SH3RF1: variants seen among roughly 807,000 people sequenced by gnomAD.
SH3RF1 encodes the protein SH3 domain containing ring finger 1.
SH3RF1 carries 32 observed loss-of-function variants against 74.0 expected under a neutral mutation model. The observed-to-expected ratio is 0.43, with a 90% CI of 0.33 to 0.58. The LOEUF is 0.58. Ranked by LOEUF, SH3RF1 falls within the 20% of genes least tolerant of loss-of-function variation. SH3RF1 has a pLI of 0.05. For missense variants in SH3RF1, 954 were observed against 1,130.9 expected, an observed-to-expected ratio of 0.84 and a Z score of 2.24; for synonymous variants, 396 against 439.6, an observed-to-expected ratio of 0.90 and a Z score of 1.24.
intron 2 of SH3RF1, among the ~76,000 whole-genome samples, chr4:169,214,928 C>T (rs1039899942): frequency 1.3e-5 from 2 of 152,050 alleles, no homozygotes; most frequent in Non-Finnish European, 2.9e-5. Context: ...TTTATTTCTT[C>T]CTTCCCAATC....
At chr4:169,181,365 C>T (rs1056451778) in intron 2 of SH3RF1, among the ~76,000 whole-genome samples, 1 of 149,334 alleles carries the variant, frequency 6.7e-6, no homozygotes, top group Non-Finnish European at 1.5e-5. Context: ...CAGGTTCAAG[C>T]GATTCTCCTG....
intron 2 of SH3RF1, among the ~76,000 whole-genome samples, chr4:169,241,099 G>A (rs1228681692): frequency 2.0e-5 from 3 of 152,124 alleles, no homozygotes; most frequent in East Asian, 1.9e-4. Context: ...GCGTGGTGGC[G>A]GGCGCCTGTA....
At chr4:169,127,987 A>G (rs550478252) in intron 6 of SH3RF1, among the ~76,000 whole-genome samples, 1 of 152,212 alleles carries the variant, frequency 6.6e-6, no homozygotes, top group Non-Finnish European at 1.5e-5. Context: ...AAATGCTCCA[A>G]TGAGCACTTC....
intron 11 of SH3RF1, 118 bp downstream of exon 11, chr4:169,106,729 G>A: frequency 7.3e-6 from 6 of 823,706 alleles, no homozygotes; most frequent in Non-Finnish European, 1.1e-5. Context: ...ATTTTCATAA[G>A]CTCAGTTTCA....
chr4:169,172,537 A>C (rs1734348130), intron 2 of SH3RF1, among the ~76,000 whole-genome samples: 1 of 152,230 alleles, frequency 6.6e-6, no homozygotes, highest in South Asian at 2.1e-4. Context: ...GTATTATGTT[A>C]GGTGTAATTA....
intron 9 of SH3RF1, 119 bp from the exon 10 acceptor site, chr4:169,116,749 C>T: frequency 7.5e-7 from 1 of 1,328,608 alleles, no homozygotes; most frequent in Non-Finnish European, 1.0e-6. Context: ...GTATTTATTA[C>T]AATAAAGATG....
At chr4:169,209,261 C>T (rs1730317960) in intron 2 of SH3RF1, among the ~76,000 whole-genome samples, 1 of 151,330 alleles carries the variant, frequency 6.6e-6, no homozygotes, top group Non-Finnish European at 1.5e-5. Flanking sequence ...TGCACTCCAG[C>T]CTGAGTGACA....
chr4:169,254,178 A>G (rs2110749702), intron 2 of SH3RF1, among the ~76,000 whole-genome samples: 2 of 152,326 alleles, frequency 1.3e-5, no homozygotes, highest in Admixed American at 1.3e-4. Context: ...GTTCCGATGG[A>G]CCTTGGAATT....
chr4:169,205,279 G>T (rs1730235681), intron 2 of SH3RF1, among the ~76,000 whole-genome samples: 2 of 152,024 alleles, frequency 1.3e-5, no homozygotes, highest in African/African-American at 4.8e-5. Context: ...TGTGTGTTAG[G>T]GTATCAGAGG....
chr4:169,146,494 C>T (rs1733897451), intron 4 of SH3RF1, among the ~76,000 whole-genome samples: 1 of 151,944 alleles, frequency 6.6e-6, no homozygotes, highest in African/African-American at 2.4e-5. Flanking sequence ...TCCCAAAGTG[C>T]TGGGATTACA....
In SH3RF1 at chr4:169,116,627, G is replaced by A. The variant is rs930553580; in HGVS notation, c.1781C>T (p.Ala594Val). ...CGTGGGGCGTTCCTGGTTGTGCGCT[G>A]CAACTAGTAGATGGGAAGAGGGAAC... ...NQARNAVRTV[A>V]AHNQERPTAA... Residue 594 changes from alanine (A) to valine (V), a missense_variant, in exon 10 of 12, where the codon GCA becomes GTA. Ala to Val is a moderately conservative substitution (Grantham distance 64). Coordinates refer to ENST00000284637, the MANE Select transcript of SH3RF1 (RefSeq NM_020870.4). 1 of 1,530,466 alleles carries A rather than the reference G, an allele frequency of 6.5e-7. No individual in the cohort carries two copies. Among genetic ancestry groups the A allele is most frequent in the Non-Finnish European group, 8.8e-7 (1 of 1,135,884 alleles). 94.8% of individuals were successfully genotyped at this position (1,530,466 alleles called of 1,614,324 possible).
At chr4:169,125,625 C>T (rs1197510855) in intron 6 of SH3RF1, among the ~76,000 whole-genome samples, 1 of 152,202 alleles carries the variant, frequency 6.6e-6, no homozygotes, top group African/African-American at 2.4e-5. Context: ...GTATCTCCCT[C>T]ACACACTCCC....
chr4:169,218,399 A>C (rs1265579085), intron 2 of SH3RF1, among the ~76,000 whole-genome samples: 1 of 143,364 alleles, frequency 7.0e-6, no homozygotes, highest in East Asian at 2.0e-4. Flanking sequence ...ATTATAGAAT[A>C]TAGAATATAG....
chr4:169,096,834 T>C (rs900610628), intron 11 of SH3RF1, 147 bp from the exon 12 acceptor site: 5 of 806,862 alleles, frequency 6.2e-6, no homozygotes, highest in African/African-American at 5.2e-5. Context: ...TACTGCTATT[T>C]TCTGTTTAGT....
intron 2 of SH3RF1, among the ~76,000 whole-genome samples, chr4:169,219,673 C>T (rs1730530368): frequency 1.3e-5 from 2 of 152,184 alleles, no homozygotes; most frequent in East Asian, 3.8e-4. Context: ...GGCCAGTAGA[C>T]AGCTGCTCTA....
intron 6 of SH3RF1, among the ~76,000 whole-genome samples, chr4:169,123,109 C>A (rs934541892): frequency 6.6e-6 from 1 of 152,112 alleles, no homozygotes; most frequent in Admixed American, 6.5e-5. Flanking sequence ...GATGTAAAAA[C>A]TAAGTCAAAG....
chr4:169,205,131 G>A (rs994061275), intron 2 of SH3RF1, among the ~76,000 whole-genome samples: 1 of 152,342 alleles, frequency 6.6e-6, no homozygotes, highest in Non-Finnish European at 1.5e-5. Context: ...AACTATTTAT[G>A]TTCCAGTAAA....
intron 2 of SH3RF1, among the ~76,000 whole-genome samples, chr4:169,171,393 C>G (rs1288349040): frequency 6.6e-6 from 1 of 152,150 alleles, no homozygotes; most frequent in Non-Finnish European, 1.5e-5. Flanking sequence ...AGAACAGTCT[C>G]ATTAAGTGCT....
intron 2 of SH3RF1, among the ~76,000 whole-genome samples, chr4:169,180,608 C>A (rs935119590): frequency 1.4e-4 from 21 of 152,242 alleles, no homozygotes; most frequent in African/African-American, 2.4e-4. Flanking sequence ...GTTCCCCTAC[C>A]CGCTTGTTTT....
Sources: gnomAD v4.1 joint callset for allele counts (sites outside exome capture counted in the v4.1 genomes callset) on GRCh38, gnomAD v4.1.1 for gene constraint, MANE v1.5 for transcripts, NCBI Gene and HGNC (gene_info 2026-07-23, HGNC 2026-07-21) for gene names.